Variants in ZFPM2 observed in about 807,000 individuals in gnomAD.
The protein encoded by ZFPM2 is zinc finger protein ZFPM2.
Under a neutral mutation model 98.6 loss-of-function variants are expected in ZFPM2, and 20 were observed. That is an observed-to-expected ratio of 0.20 (90% CI 0.14 to 0.29). The LOEUF is 0.29. ZFPM2 is among the 10% of genes least tolerant of loss of function. The probability of loss-of-function intolerance (pLI) is 1.00; values close to 1 mark genes in which losing one functional copy is unlikely to be tolerated. For synonymous variants in ZFPM2, 518 were observed against 502.7 expected (o/e 1.03, Z -0.41); for missense variants, 1,310 against 1,388.6 (o/e 0.94, Z 0.90).
intron 5 of ZFPM2, among the ~76,000 whole-genome samples, chr8:105,681,309 C>T (rs964625444): frequency 6.6e-6 from 1 of 152,140 alleles, no homozygotes; most frequent in Non-Finnish European, 1.5e-5. Flanking sequence ...TCTCTTACCT[C>T]ACTACAATCC....
intron 3 of ZFPM2, among the ~76,000 whole-genome samples, chr8:105,494,108 C>T (rs1358275049): frequency 4.1e-5 from 6 of 147,776 alleles, no homozygotes; most frequent in Non-Finnish European, 5.9e-5. Context: ...GGTGATCTCA[C>T]CCATATCTGA....
At chr8:105,504,040 C>T (rs561691688) in intron 3 of ZFPM2, among the ~76,000 whole-genome samples, 1 of 152,030 alleles carries the variant, frequency 6.6e-6, no homozygotes, top group Non-Finnish European at 1.5e-5. Context: ...TGTTTGTATT[C>T]TGTGGCTTGT....
At chr8:105,478,899 C>G (rs77695582) in intron 3 of ZFPM2, among the ~76,000 whole-genome samples, 2 of 152,096 alleles carry the variant, frequency 1.3e-5, no homozygotes, top group Non-Finnish European at 2.9e-5. Context: ...CTACTAAAGT[C>G]TATCCTCAGT....
intron 5 of ZFPM2, among the ~76,000 whole-genome samples, chr8:105,742,391 A>AG (rs1483225306): frequency 1.3e-5 from 2 of 151,360 alleles, no homozygotes; most frequent in African/African-American, 4.9e-5. Flanking sequence ...AAAAAAAAAA[A>AG]AAAAAAAAGG....
chr8:105,443,329 A>AAAAAAAC, intron 2 of ZFPM2, among the ~76,000 whole-genome samples: 1 of 144,980 alleles, frequency 6.9e-6, no homozygotes, highest in African/African-American at 2.8e-5. Flanking sequence ...CAAAAAACAA[A>AAAAAAAC]AAAAAAAAAA....
intron 3 of ZFPM2, among the ~76,000 whole-genome samples, chr8:105,460,085 T>G (rs1812675608): frequency 6.6e-6 from 1 of 152,106 alleles, no homozygotes; most frequent in Non-Finnish European, 1.5e-5. Context: ...AGCTGAGATG[T>G]GAGTGTTGAT....
intron 2 of ZFPM2, among the ~76,000 whole-genome samples, chr8:105,433,211 C>T (rs1380768572): frequency 2.6e-5 from 4 of 152,132 alleles, no homozygotes; most frequent in Admixed American, 2.0e-4. Flanking sequence ...GAGATAATAC[C>T]GATGAAAAGT....
At chr8:105,711,819 A>G (rs1811408407) in intron 5 of ZFPM2, among the ~76,000 whole-genome samples, 1 of 152,044 alleles carries the variant, frequency 6.6e-6, no homozygotes, top group Non-Finnish European at 1.5e-5. Flanking sequence ...AGGCCTCATC[A>G]GTCTTCCTCC....
intron 5 of ZFPM2, among the ~76,000 whole-genome samples, chr8:105,704,807 T>C (rs190492705): frequency 4.6e-5 from 7 of 152,328 alleles, no homozygotes; most frequent in African/African-American, 1.7e-4. Flanking sequence ...GTATCCCCTG[T>C]ATGAATCCCA....
intron 4 of ZFPM2, among the ~76,000 whole-genome samples, chr8:105,596,643 T>C (rs1159345696): frequency 1.3e-5 from 2 of 151,788 alleles, no homozygotes; most frequent in Non-Finnish European, 1.5e-5. Context: ...AATAGTTAAA[T>C]ATTTTGTTCC....
intron 5 of ZFPM2, among the ~76,000 whole-genome samples, chr8:105,653,220 G>A (rs1330516382): frequency 6.6e-6 from 1 of 152,032 alleles, no homozygotes; most frequent in Non-Finnish European, 1.5e-5. Flanking sequence ...ACCTATCTCA[G>A]GACAAATTAA....
intron 6 of ZFPM2, among the ~76,000 whole-genome samples, chr8:105,790,296 C>G (rs534975750): frequency 0.092 from 13,829 of 150,874 alleles, 2,097 homozygotes; most frequent in African/African-American, 0.31. Context: ...TTTCAGCTTT[C>G]TACATATGGC....
At chr8:105,449,532 C>A (rs191994396) in intron 3 of ZFPM2, among the ~76,000 whole-genome samples, 2 of 152,038 alleles carry the variant, frequency 1.3e-5, no homozygotes, top group Non-Finnish European at 2.9e-5. Context: ...AATTAGTAAT[C>A]ATTTTTTGTA....
intron 5 of ZFPM2, among the ~76,000 whole-genome samples, chr8:105,702,813 G>T (rs577540960): frequency 6.6e-6 from 1 of 152,314 alleles, no homozygotes; most frequent in South Asian, 2.1e-4. Flanking sequence ...AACCAGATCA[G>T]CAGCAGGAGA....
intron 1 of ZFPM2, among the ~76,000 whole-genome samples, chr8:105,368,324 C>A (rs1177498374): frequency 6.6e-6 from 1 of 152,180 alleles, no homozygotes; most frequent in East Asian, 1.9e-4. Flanking sequence ...AAGGAGAATT[C>A]TTTTAAGGAG....
intron 1 of ZFPM2, among the ~76,000 whole-genome samples, chr8:105,403,620 C>T (rs942469210): frequency 3.3e-5 from 5 of 151,084 alleles, no homozygotes; most frequent in African/African-American, 1.2e-4. Flanking sequence ...GTCCTATGTT[C>T]CACACTTTTC....
chr8:105,698,632 T>A (rs1466088762), intron 5 of ZFPM2, among the ~76,000 whole-genome samples: 3 of 152,224 alleles, frequency 2.0e-5, no homozygotes, highest in Non-Finnish European at 2.9e-5. Flanking sequence ...TAGCATTTTA[T>A]AGCTTTTAGA....
intron 2 of ZFPM2, among the ~76,000 whole-genome samples, chr8:105,424,693 ATACT>A (rs1811871810): frequency 1.3e-5 from 2 of 152,336 alleles, no homozygotes; most frequent in South Asian, 2.1e-4. Flanking sequence ...ACATAATCAG[ATACT>A]TAATAGGACT....
At chr8:105,638,256 A>C (rs1214992099) in intron 5 of ZFPM2, among the ~76,000 whole-genome samples, 1 of 152,054 alleles carries the variant, frequency 6.6e-6, no homozygotes, top group Non-Finnish European at 1.5e-5. Context: ...TGACTCTCCT[A>C]GGCAGGCCAT....
Sources: gnomAD v4.1 joint callset for allele counts (sites outside exome capture counted in the v4.1 genomes callset) on GRCh38, gnomAD v4.1.1 for gene constraint, MANE v1.5 for transcripts, NCBI Gene and HGNC (gene_info 2026-07-23, HGNC 2026-07-21) for gene names.